Variants in DYNC1H1 observed in about 807,000 individuals in gnomAD.
DYNC1H1 encodes cytoplasmic dynein 1 heavy chain 1.
A neutral mutation model predicts 527.1 loss-of-function variants in DYNC1H1; 51 were observed. That is an observed-to-expected ratio of 0.10 (90% CI 0.08 to 0.12). The LOEUF (loss-of-function observed/expected upper bound fraction) is 0.12. DYNC1H1 is among the 10% of genes least tolerant of loss of function. The probability of loss-of-function intolerance (pLI) is 1.00; values close to 1 mark genes in which losing one functional copy is unlikely to be tolerated. For synonymous variants in DYNC1H1, 2,189 were observed against 2,278.8 expected (o/e 0.96, Z 1.12); for missense variants, 2,771 against 5,971.8 (o/e 0.46, Z 17.66).
intron 42 of DYNC1H1, among the ~76,000 whole-genome samples, chr14:102,022,384 T>TAGTC (rs1274145414): frequency 1.3e-5 from 2 of 151,128 alleles, no homozygotes; most frequent in African/African-American, 2.4e-5. Context: ...CGGGCGCCTG[T>TAGTC]AGTCCCAGCT....
rs2141258546 is a variant in DYNC1H1 at position 101,964,803 on chromosome 14, G to C, written c.112G>C (p.Val38Leu). 6.2e-7 allele frequency: 1 copy of C among 1,604,300 alleles called. No homozygotes were observed. ...GCTGCAGAAGCACCTGCGCAAGCTG[G>C]TGCCGCTGCTGCTGGAGGACGGCGG... ...SVLQKHLRKL[V>L]PLLLEDGGEA... Residue 38 changes from valine to leucine, a missense_variant, in exon 1 of 78, where the codon GTG (valine) becomes CTG (leucine). Coordinates refer to ENST00000360184, the MANE Select transcript of DYNC1H1 (RefSeq NM_001376.5). The surrounding 1 kb of genome is among the most constrained non-coding windows in gnomAD (Gnocchi z 5.5).
intron 69 of DYNC1H1, 115 bp from the exon 70 acceptor site, chr14:102,043,760 C>A: frequency 6.9e-7 from 1 of 1,444,954 alleles, no homozygotes; most frequent in Non-Finnish European, 9.6e-7. Flanking sequence ...GAATCTGCTG[C>A]CATCGTCAGG....
chr14:102,012,054 A>C lies in DYNC1H1; in HGVS notation c.6798A>C (p.Gly2266=). ...CCATCAGCAAAGACCACCTCTACGG[A>C]ACCCTGGACCCCAACACCAGGGAAT... is the stretch of plus-strand genomic sequence containing the variant. The part of the protein sequence containing the change: ...PKAISKDHLY[G]TLDPNTREWT... Residue 2266 remains glycine (G), a synonymous_variant, in exon 33 of 78, where the codon GGA becomes GGC. Coordinates refer to ENST00000360184, the MANE Select transcript of DYNC1H1 (RefSeq NM_001376.5). The surrounding 1 kb of genome is among the most constrained non-coding windows in gnomAD (Gnocchi z 4.9). 6.2e-7 allele frequency: 1 copy of C among 1,614,132 alleles called. No individual in the cohort carries two copies. Among genetic ancestry groups the C allele is most frequent in the East Asian group, 2.2e-5 (1 of 44,876 alleles).
Position 102,002,053 on chromosome 14 carries a change from G to A in DYNC1H1, c.4542+372G>A, listed in dbSNP as rs571388524. Among the ~76,000 whole-genome samples, 85 of 151,946 alleles carry A rather than the reference G, an allele frequency of 5.6e-4. 2 individuals carry two copies. Among genetic ancestry groups the A allele is most frequent in the Non-Finnish European group, 1.8e-4 (12 of 67,982 alleles). ...CTCCTAAAGTGCCGGGATTACAGGC[G>A]TGAGTCACCACAGCCAGTCAATACT... On this transcript the variant is annotated intron_variant, in intron 21 of 77. Coordinates refer to ENST00000360184, the MANE Select transcript of DYNC1H1 (RefSeq NM_001376.5). The surrounding 1 kb of genome is among the most constrained non-coding windows in gnomAD (Gnocchi z 4.4).
chr14:102,028,275 G>C, intron 48 of DYNC1H1, 134 bp downstream of exon 48: 1 of 1,071,264 alleles, frequency 9.3e-7, no homozygotes, highest in South Asian at 1.4e-5. Context: ...ACTTTGGGAG[G>C]CCAAGGCGGG....
In DYNC1H1 at chr14:102,041,957, G is replaced by T; in HGVS notation, c.12103-56G>T. ...CTCACTCGGGGCTCTCCTTTCCCTT[G>T]ACAGGTACACACTATTTGCTGGCAC... On this transcript the variant is annotated intron_variant, in intron 65 of 77. Transcript: ENST00000360184. This position sits in a 1 kb window ranked among gnomAD's most constrained non-coding sequence, Gnocchi z 4.5. The T allele has an allele frequency of 6.3e-7, 1 of 1,589,840 alleles. No homozygotes were observed. The highest frequency in any genetic ancestry group is 1.1e-5 in the South Asian group (1 of 90,184).
chr14:102,047,641 G>GTGTATATATATATATATA lies in DYNC1H1; in HGVS notation c.13007-175_13007-174insGTATATATATATATATAT. On this transcript the variant is annotated intron_variant, in intron 72 of 77. Transcript: ENST00000360184. ...TACACGTGTGTGTGTGTGTGTGTGT[G>GTGTATATATATATATATA]TATATATATATATATATATATATGT... 287 of 316,690 alleles carry GTGTATATATATATATATA rather than the reference G, an allele frequency of 9.1e-4. 1 individual carries two copies. Among genetic ancestry groups the GTGTATATATATATATATA allele is most frequent in the Non-Finnish European group, 1.2e-3 (221 of 184,796 alleles). The allele number at this position is 316,690 out of a possible 1,614,324, so 19.6% of individuals were successfully genotyped here.
Position 102,005,298 on chromosome 14 carries a change from T to C in DYNC1H1, c.5433+62T>C. ...ACTCTTACACCCTCAACCACACAGT[T>C]AAATGGAAATCATGCTTGAAAAAGG... is the stretch of plus-strand genomic sequence containing the variant. On this transcript the variant is annotated intron_variant, in intron 26 of 77. Transcript: ENST00000360184. The surrounding 1 kb of genome is among the most constrained non-coding windows in gnomAD (Gnocchi z 4.0). 1 of 1,597,452 alleles carries C rather than the reference T, an allele frequency of 6.3e-7. No homozygotes were observed. The highest frequency in any genetic ancestry group is 1.1e-5 in the South Asian group (1 of 90,592).
chr14:101,987,863 A>T (rs1358642847), intron 9 of DYNC1H1, among the ~76,000 whole-genome samples: 2 of 152,178 alleles, frequency 1.3e-5, no homozygotes, highest in Non-Finnish European at 2.9e-5. Flanking sequence ...AGATCGCTTG[A>T]GCCCAGAAGT....
Position 102,049,191 on chromosome 14 carries a change from A to G in DYNC1H1, c.13373-249A>G. 1.7e-6 allele frequency: 1 copy of G among 573,818 alleles called. No homozygotes were observed. The highest frequency in any genetic ancestry group is 3.1e-6 in the Non-Finnish European group (1 of 321,258). 35.5% of individuals were successfully genotyped at this position (573,818 alleles called of 1,614,324 possible). A position where few individuals can be genotyped will look rare whatever the true frequency, so the allele number is the denominator to read the frequency against. ...TGGATGTGATTATGGTCCTCCAGAA[A>G]GACACACCTGGACTAATTTGACCCT... is the stretch of plus-strand genomic sequence containing the variant. On this transcript the variant is annotated intron_variant, in intron 74 of 77. Coordinates refer to ENST00000360184, the MANE Select transcript of DYNC1H1 (RefSeq NM_001376.5). The surrounding 1 kb of genome is among the most constrained non-coding windows in gnomAD (Gnocchi z 5.5).
In DYNC1H1 at chr14:102,036,461, A is replaced by G. The variant is rs780967405; in HGVS notation, c.10755-28A>G. 8 of 1,612,598 alleles carry G rather than the reference A, an allele frequency of 5.0e-6. No individual in the cohort carries two copies. Among genetic ancestry groups the G allele is most frequent in the South Asian group, 2.2e-5 (2 of 90,992 alleles). Reference sequence around the variant, plus strand: ...TGTGCTTTCCCCATTCGGTGTTTCAACCTTCTCTTCTGTGGCCTCATCCTC... The same window carrying G: ...TGTGCTTTCCCCATTCGGTGTTTCAGCCTTCTCTTCTGTGGCCTCATCCTC... On this transcript the variant is annotated intron_variant, in intron 56 of 77. Transcript: ENST00000360184. The surrounding 1 kb of genome is among the most constrained non-coding windows in gnomAD (Gnocchi z 5.6).
In DYNC1H1 at chr14:102,039,862, G is replaced by A; in HGVS notation, c.11690+130G>A. 1 of 1,230,080 alleles carries A rather than the reference G, an allele frequency of 8.1e-7. No homozygotes were observed. Among genetic ancestry groups the A allele is most frequent in the Non-Finnish European group, 1.1e-6 (1 of 875,396 alleles). The allele number at this position is 1,230,080 out of a possible 1,614,324, so 76.2% of individuals were successfully genotyped here. A position where few individuals can be genotyped will look rare whatever the true frequency, so the allele number is the denominator to read the frequency against. ...TTTCTTTATTTTATTTTTTGAGACGGAGTCTCCCTTTGTTGCCTAGGCTGG... is the reference window on the plus strand; with the variant it reads ...TTTCTTTATTTTATTTTTTGAGACGAAGTCTCCCTTTGTTGCCTAGGCTGG... On this transcript the variant is annotated intron_variant, in intron 62 of 77. Coordinates refer to ENST00000360184, the MANE Select transcript of DYNC1H1 (RefSeq NM_001376.5). This position sits in a 1 kb window ranked among gnomAD's most constrained non-coding sequence, Gnocchi z 7.0.
chr14:102,015,328 T>A lies in DYNC1H1; in HGVS notation c.7238T>A (p.Leu2413Gln). 1 of 1,611,324 alleles carries A rather than the reference T, an allele frequency of 6.2e-7. No homozygotes were observed. The highest frequency in any genetic ancestry group is 8.5e-7 in the Non-Finnish European group (1 of 1,178,504). The change falls in exon 35 of 78, where the codon CTG becomes CAG. Residue 2413 changes from leucine to glutamine, a missense_variant. By Grantham distance (113) the Leu-to-Gln change is moderately radical. Coordinates refer to ENST00000360184, the MANE Select transcript of DYNC1H1 (RefSeq NM_001376.5). The surrounding 1 kb of genome is among the most constrained non-coding windows in gnomAD (Gnocchi z 6.9). The stretch of plus-strand genomic sequence containing the variant: ...GGGGAGGAGGCCGCTTCCCCCATGC[T>A]GCAGGTACGCCCAGGTGGGACCCCA... ...DEGEEAASPM[L>Q]QIQRDAATIM...
In DYNC1H1 at chr14:101,986,465, C is replaced by G; in HGVS notation, c.2240C>G (p.Ser747Cys). 6.2e-7 allele frequency: 1 copy of G among 1,614,152 alleles called. No individual in the cohort carries two copies. The highest frequency in any genetic ancestry group is 8.5e-7 in the Non-Finnish European group (1 of 1,180,024). The change falls in exon 8 of 78, where the codon TCC becomes TGC. Residue 747 changes from serine to cysteine, a missense_variant. Around this residue, in one of 32 missense-constraint regions of DYNC1H1, gnomAD observed 264 missense variants for 619.4 expected, o/e 0.43. Coordinates refer to ENST00000360184, the MANE Select transcript of DYNC1H1 (RefSeq NM_001376.5). The surrounding 1 kb of genome is among the most constrained non-coding windows in gnomAD (Gnocchi z 8.7). ...TTTCTTCCTGAGATTATCACACTAT[C>G]CAAAGAAGTCCGGAACCTCAAATGG... ...VNFLPEIITLSKEVRNLKWLG... is the reference protein window; with the variant it reads ...VNFLPEIITLCKEVRNLKWLG...
intron 72 of DYNC1H1, among the ~76,000 whole-genome samples, chr14:102,045,942 G>A (rs987624127): frequency 1.9e-4 from 29 of 152,084 alleles, no homozygotes; most frequent in African/African-American, 5.8e-4. Flanking sequence ...CGAGGTGGGC[G>A]GATCACAAGG....
chr14:102,004,069 G>A (rs972599953), intron 23 of DYNC1H1, among the ~76,000 whole-genome samples: 55 of 151,762 alleles, frequency 3.6e-4, no homozygotes, highest in South Asian at 4.2e-4. Context: ...GTGAAACCCC[G>A]TCTCTACTAA....
Position 102,056,059 on chromosome 14 carries a change from G to T in DYNC1H1, c.*5496G>T, listed in dbSNP as rs1342619734. The T allele has an allele frequency of 2.0e-5, 3 of 152,346 alleles. No individual in the cohort carries two copies. The highest frequency in any genetic ancestry group is 3.4e-3 in the Middle Eastern group (1 of 294). 9.4% of individuals were successfully genotyped at this position (152,346 alleles called of 1,614,324 possible). A position where few individuals can be genotyped will look rare whatever the true frequency, so the allele number is the denominator to read the frequency against. ...ACCCTCTCATATTGTTTTATACTCA[G>T]TACCTGTTTTAAGAAAAAAACGAAG... On this transcript the variant is annotated 3_prime_UTR_variant, in exon 78 of 78. Transcript: ENST00000360184.
At chr14:101,994,084 T>G in intron 11 of DYNC1H1, 100 bp from the exon 12 acceptor site, 1 of 1,582,916 alleles carries the variant, frequency 6.3e-7, no homozygotes, top group South Asian at 1.1e-5. Context: ...ATTTTGGTCA[T>G]GAGCTTTTCT....
rs144570049 is a variant in DYNC1H1 at position 102,048,002 on chromosome 14, C to T, written c.13192C>T (p.Leu4398Phe). The T allele has an allele frequency of 7.1e-5, 114 of 1,611,794 alleles. No individual in the cohort carries two copies. The highest frequency in any genetic ancestry group is 1.3e-5 in the Non-Finnish European group (15 of 1,179,932). Reference protein sequence around the residue: ...LHLIPQTLSHLKRTVENIKDP... With the variant: ...LHLIPQTLSHFKRTVENIKDP... Reference sequence around the variant, plus strand: ...CCTCATCCCCCAGACGCTGAGCCACCTCAAGCGCACCGTGGAGAATATCAA... The same window carrying T: ...CCTCATCCCCCAGACGCTGAGCCACTTCAAGCGCACCGTGGAGAATATCAA... The change falls in exon 73 of 78, where the codon CTC becomes TTC. Residue 4398 changes from leucine to phenylalanine, a missense_variant. Transcript: ENST00000360184.
Sources: allele counts gnomAD v4.1 joint callset (sites outside exome capture counted in the v4.1 genomes callset), GRCh38; gene constraint gnomAD v4.1.1; regional missense constraint gnomAD v4.1.1; non-coding constraint Gnocchi (gnomAD v3.1); transcripts MANE v1.5; gene names NCBI Gene and HGNC (gene_info 2026-07-23, HGNC 2026-07-21).